Variants in STK3 observed in about 807,000 individuals in gnomAD.
STK3 encodes the protein serine/threonine kinase 3, also known as serine/threonine-protein kinase 3.
In STK3, 41 loss-of-function variants were observed where a neutral mutation model predicts 58.0. The ratio of observed to expected loss-of-function variants is 0.71; its 90% confidence interval spans 0.55 to 0.92. The LOEUF (loss-of-function observed/expected upper bound fraction) is 0.92. Ranked by LOEUF, STK3 falls within the 40% of genes least tolerant of loss-of-function variation. The pLI is 0.00. For missense variants in STK3, 479 were observed against 602.7 expected (o/e 0.79, Z 2.15); for synonymous variants, 170 against 191.0 (o/e 0.89, Z 0.91).
At chr8:98,638,035 T>C (rs1346712162) in intron 6 of STK3, among the ~76,000 whole-genome samples, 1 of 152,208 alleles carries the variant, frequency 6.6e-6, no homozygotes, top group African/African-American at 2.4e-5. Context: ...TTTAGGTGTG[T>C]TTCTAGAAAT....
chr8:98,450,987 G>A (rs953321954), downstream of STK3, among the ~76,000 whole-genome samples: 13 of 152,162 alleles, frequency 8.5e-5, no homozygotes, highest in Admixed American at 8.5e-4. Context: ...CTAGCTGTGT[G>A]ACCTCATTTA....
intron 10 of STK3, among the ~76,000 whole-genome samples, chr8:98,506,811 G>A (rs1586734256): frequency 6.6e-6 from 1 of 152,192 alleles, no homozygotes. Flanking sequence ...TAGAGTATTT[G>A]GAGGGATTGT....
intron 1 of STK3, among the ~76,000 whole-genome samples, chr8:98,440,184 T>C (rs576234704): frequency 1.3e-5 from 2 of 152,044 alleles, no homozygotes; most frequent in East Asian, 1.9e-4. Context: ...GGACAAAAGG[T>C]TGGGGACTGG....
chr8:98,662,671 G>A (rs1822047703), intron 6 of STK3, among the ~76,000 whole-genome samples: 1 of 151,332 alleles, frequency 6.6e-6, no homozygotes, highest in Non-Finnish European at 1.5e-5. Flanking sequence ...ATGTCAAGCT[G>A]TATTTCTTTT....
chr8:98,669,915 G>A (rs1007705150), intron 6 of STK3, among the ~76,000 whole-genome samples: 5 of 152,170 alleles, frequency 3.3e-5, no homozygotes, highest in Admixed American at 6.5e-5. Flanking sequence ...ATAAAATGAA[G>A]AGATGTTCAG....
intron 6 of STK3, among the ~76,000 whole-genome samples, chr8:98,698,813 A>C (rs1451617980): frequency 2.0e-5 from 3 of 151,778 alleles, no homozygotes. Context: ...CCTTCATTTC[A>C]ACTTTGGTGA....
intron 4 of STK3, among the ~76,000 whole-genome samples, chr8:98,715,471 G>A (rs532075482): frequency 9.2e-5 from 14 of 151,374 alleles, no homozygotes; most frequent in South Asian, 2.1e-4. Flanking sequence ...AGTGGGCAAA[G>A]GATATGAACA....
chr8:98,864,185 G>A (rs1479725798), intron 3 of STK3, among the ~76,000 whole-genome samples: 5 of 124,160 alleles, frequency 4.0e-5, no homozygotes, highest in African/African-American at 1.3e-4. Context: ...GCGACAGAGC[G>A]AGACTCCTTC....
intron 6 of STK3, among the ~76,000 whole-genome samples, chr8:98,627,247 T>C (rs1359394195): frequency 6.6e-6 from 1 of 151,972 alleles, no homozygotes; most frequent in Middle Eastern, 3.2e-3. Flanking sequence ...GGCACAGCAG[T>C]ACATGCCTAT....
chr8:98,351,955 C>G, the STK3 span, among the ~76,000 whole-genome samples: 1 of 151,902 alleles, frequency 6.6e-6, no homozygotes, highest in Non-Finnish European at 1.5e-5. Flanking sequence ...GTCAGGAGAT[C>G]GAGACCATCC....
At chr8:98,793,637 G>A (rs912302452) in intron 1 of STK3, among the ~76,000 whole-genome samples, 4 of 152,118 alleles carry the variant, frequency 2.6e-5, no homozygotes, top group Non-Finnish European at 4.4e-5. Context: ...CCTGACCACT[G>A]AGGCAGAAAA....
chr8:98,924,524 C>T (rs901601807), intron 1 of STK3, among the ~76,000 whole-genome samples: 1 of 152,154 alleles, frequency 6.6e-6, no homozygotes, highest in Admixed American at 6.5e-5. Context: ...CTTGCATCAA[C>T]CTCGTAAGGA....
At chr8:98,506,394 C>T (rs966827579) in intron 10 of STK3, among the ~76,000 whole-genome samples, 10 of 152,276 alleles carry the variant, frequency 6.6e-5, no homozygotes, top group East Asian at 3.9e-4. Flanking sequence ...GCTTGCCCTC[C>T]GTGGGCTGCA....
At position 98,547,966 on chromosome 8, in the gene STK3, T is replaced by C. The variant is rs1403629843; in HGVS notation, c.1141+3A>G. ...TAATATTTAATGTAAAAAAGCCACATACTTTTCATAGTTCCATCTTCTTCT... is the reference window on the plus strand; with the variant it reads ...TAATATTTAATGTAAAAAAGCCACACACTTTTCATAGTTCCATCTTCTTCT... On this transcript the variant is annotated splice_donor_region_variant and intron_variant, in intron 9 of 10. Coordinates refer to ENST00000419617, the MANE Select transcript of STK3 (RefSeq NM_006281.4). 3.2e-6 allele frequency: 5 copies of C among 1,567,946 alleles called. No homozygotes were observed. The highest frequency in any genetic ancestry group is 4.3e-6 in the Non-Finnish European group (5 of 1,158,958).
Position 98,428,808 on chromosome 8 carries a change from G to A in STK3, n.483+5319C>T. Reference sequence around the variant, plus strand: ...CGTCCCCTTTTACATCACTCTGGTGGTGAACCTGGTGGTGGAGAGCACACC... The same window carrying A: ...CGTCCCCTTTTACATCACTCTGGTGATGAACCTGGTGGTGGAGAGCACACC... On this transcript the variant is annotated intron_variant and non_coding_transcript_variant, in intron 3 of 3. Coordinates refer to the STK3 transcript ENST00000517832. The surrounding 1 kb of genome is among the most constrained non-coding windows in gnomAD (Gnocchi z 6.7). 1 of 1,614,198 alleles carries A rather than the reference G, an allele frequency of 6.2e-7. No individual in the cohort carries two copies. Among genetic ancestry groups the A allele is most frequent in the Non-Finnish European group, 8.5e-7 (1 of 1,180,052 alleles).
At position 98,893,470 on chromosome 8, in the gene STK3, GAAAGAAAGAAAGAAAGAGAAAGAA is replaced by G. The variant is rs1838301570; in HGVS notation, c.-78-9660_-78-9637del. Among the ~76,000 whole-genome samples the G allele has an allele frequency of 2.1e-3, 164 of 76,340 alleles. 1 individual carries two copies. Among genetic ancestry groups the G allele is most frequent in the East Asian group, 5.3e-3 (15 of 2,836 alleles). The allele number at this position is 76,340 out of a possible 152,430, so 50.1% of individuals were successfully genotyped here. ...AGAAAGAAAGAAAGAAAGAAAGAAA[GAAAGAAAGAAAGAAAGAGAAAGAA>G]AGAAAGAAAGAAAGAAAGAAAGAAA... On this transcript the variant is annotated intron_variant, in intron 1 of 1. Coordinates refer to the STK3 transcript ENST00000519420.
intron 6 of STK3, among the ~76,000 whole-genome samples, chr8:98,650,345 T>C (rs962884513): frequency 5.9e-5 from 9 of 152,240 alleles, no homozygotes; most frequent in Non-Finnish European, 1.2e-4. Flanking sequence ...TTTTGAAGAA[T>C]GGCCCGGAGG....
intron 1 of STK3, among the ~76,000 whole-genome samples, chr8:98,382,841 G>A (rs544970566): frequency 1.1e-3 from 167 of 152,320 alleles, no homozygotes; most frequent in African/African-American, 3.7e-3. Flanking sequence ...GCAAAGAGGC[G>A]GCCGGCTGGG....
downstream of STK3, among the ~76,000 whole-genome samples, chr8:98,371,166 C>T (rs996338281): frequency 3.3e-5 from 5 of 152,164 alleles, no homozygotes; most frequent in Non-Finnish European, 7.3e-5. Context: ...TTCATTGCAT[C>T]CCCAGGGCCC....
Sources: allele counts gnomAD v4.1 joint callset (sites outside exome capture counted in the v4.1 genomes callset), GRCh38; gene constraint gnomAD v4.1.1; non-coding constraint Gnocchi (gnomAD v3.1); transcripts MANE v1.5; gene names NCBI Gene and HGNC (gene_info 2026-07-23, HGNC 2026-07-21).